Variants in SDR9C7 observed in about 807,000 individuals in gnomAD.
The protein encoded by SDR9C7 is short chain dehydrogenase/reductase family 9C member 7.
Under a neutral mutation model 23.6 loss-of-function variants are expected in SDR9C7, and 11 were observed. The ratio of observed to expected loss-of-function variants is 0.47; its 90% CI spans 0.29 to 0.77. The LOEUF is 0.77. Among genes scored for constraint, SDR9C7 ranks in the 30% least tolerant of loss-of-function variants. SDR9C7 has a pLI of 0.09. For missense variants in SDR9C7, 387 were observed against 407.1 expected, an observed-to-expected ratio of 0.95 and a Z score of 0.42; for synonymous variants, 167 against 157.3, an observed-to-expected ratio of 1.06 and a Z score of -0.46.
intron 1 of SDR9C7, among the ~76,000 whole-genome samples, chr12:56,932,314 G>T (rs978583387): frequency 3.9e-5 from 6 of 152,194 alleles, no homozygotes; most frequent in Non-Finnish European, 1.5e-5. Context: ...GTGTGAAAAA[G>T]ACTGGGCCCA....
In SDR9C7 at chr12:56,934,343, G is replaced by T; in HGVS notation, c.-82C>A. 1 of 1,254,052 alleles carries T rather than the reference G, an allele frequency of 8.0e-7. No individual in the cohort carries two copies. The highest frequency in any genetic ancestry group is 2.4e-5 in the East Asian group (1 of 42,520). The allele number at this position is 1,254,052 out of a possible 1,614,324, so 77.7% of individuals were successfully genotyped here. On this transcript the variant is annotated 5_prime_UTR_variant, in exon 1 of 4. Coordinates refer to ENST00000293502, the MANE Select transcript of SDR9C7 (RefSeq NM_148897.3). Reference sequence around the variant, plus strand: ...AAGCTGGTCCTCTGAGCCCTAGCAGGCAGTCTGCAGGAAACCACCTGGAAG... The same window carrying T: ...AAGCTGGTCCTCTGAGCCCTAGCAGTCAGTCTGCAGGAAACCACCTGGAAG...
chr12:56,925,235 AC>A (rs1190135054), intron 3 of SDR9C7, among the ~76,000 whole-genome samples: 3 of 152,106 alleles, frequency 2.0e-5, no homozygotes, highest in Non-Finnish European at 4.4e-5. Flanking sequence ...GGGACAGAGC[AC>A]CCAAATAGTA....
chr12:56,930,460 G>A lies in SDR9C7; in HGVS notation c.326C>T (p.Ala109Val), dbSNP rs1192222106. 1 of 1,614,110 alleles carries A rather than the reference G, an allele frequency of 6.2e-7. No individual in the cohort carries two copies. ...GGGACCACTGGGCAGGCCCACACCAGCATTGTTCACCAGGGCCCAGAGGCC... is the reference window on the plus strand; with the variant it reads ...GGGACCACTGGGCAGGCCCACACCAACATTGTTCACCAGGGCCCAGAGGCC... ...EQGLWALVNNAGVGLPSGPNE... is the reference protein window; with the variant it reads ...EQGLWALVNNVGVGLPSGPNE... The change falls in exon 2 of 4, where the codon GCT becomes GTT. Residue 109 changes from alanine to valine, a missense_variant. By Grantham distance (64) the Ala-to-Val change is moderately conservative. Transcript: ENST00000293502.
intron 1 of SDR9C7, among the ~76,000 whole-genome samples, chr12:56,931,159 C>T (rs1176590685): frequency 1.3e-5 from 2 of 151,922 alleles, no homozygotes; most frequent in African/African-American, 2.4e-5. Flanking sequence ...CACTTGAGCC[C>T]GGGTTACAGG....
rs1484311789 is a variant in SDR9C7 at position 56,924,068 on chromosome 12, G to A, written c.725-18C>T. 6.5e-7 allele frequency: 1 copy of A among 1,533,408 alleles called. No individual in the cohort carries two copies. Among genetic ancestry groups the A allele is most frequent in the Admixed American group, 1.7e-5 (1 of 58,476 alleles). 95.0% of individuals were successfully genotyped at this position (1,533,408 alleles called of 1,614,324 possible). ...GTCAGTATCTGTTTGAGGGCAGAGA[G>A]GGGAAAAAGGCTCTGTTATTCTTCA... On this transcript the variant is annotated intron_variant, in intron 3 of 3. Coordinates refer to ENST00000293502, the MANE Select transcript of SDR9C7 (RefSeq NM_148897.3).
At position 56,934,169 on chromosome 12, in the gene SDR9C7, T is replaced by C; in HGVS notation, c.93A>G (p.Thr31=). ...GNLSEKYVFI[T]GCDSGFGNLL... ...GGTTCCCGAAGCCAGAGTCACAGCC[T>C]GTGATGAAGACGTACTTCTCTGAGA... The change falls in exon 1 of 4, where the codon ACA becomes ACG. Residue 31 remains threonine, a synonymous_variant. Transcript: ENST00000293502. 6.2e-7 allele frequency: 1 copy of C among 1,614,208 alleles called. No individual in the cohort carries two copies.
Position 56,934,265 on chromosome 12 carries a change from G to C in SDR9C7, c.-4C>G. The stretch of plus-strand genomic sequence containing the variant: ...AGAGGTCTGTGAGGGCCGCCATAGG[G>C]CAAGGGGAATGTGATGGCCAAGAGG... On this transcript the variant is annotated 5_prime_UTR_variant, in exon 1 of 4. Coordinates refer to ENST00000293502, the MANE Select transcript of SDR9C7 (RefSeq NM_148897.3). 2 of 1,609,768 alleles carry C rather than the reference G, an allele frequency of 1.2e-6. No individual in the cohort carries two copies. Among genetic ancestry groups the C allele is most frequent in the Non-Finnish European group, 1.7e-6 (2 of 1,177,340 alleles).
Position 56,934,048 on chromosome 12 carries a change from GA to G in SDR9C7, c.213del (p.Arg72GlyfsTer22). 1 of 1,614,180 alleles carries G rather than the reference GA, an allele frequency of 6.2e-7. No individual in the cohort carries two copies. Among genetic ancestry groups the G allele is most frequent in the African/African-American group, 1.3e-5 (1 of 75,040 alleles). ...ACATCCAGTAGGGTGGTCTGCAGCC[GA>G]TAGGAGGTATCCCGCTGAAGTTTCT... is the stretch of plus-strand genomic sequence containing the variant. ...GSQKLQRDTS[Y>X]RLQTTLLDVT... On this transcript the variant is annotated frameshift_variant, in exon 1 of 4. Coordinates refer to ENST00000293502, the MANE Select transcript of SDR9C7 (RefSeq NM_148897.3). LOFTEE classifies it high-confidence loss of function.
At chr12:56,925,324 C>T (rs139797181) in intron 3 of SDR9C7, among the ~76,000 whole-genome samples, 359 of 152,298 alleles carry the variant, frequency 2.4e-3, no homozygotes, top group African/African-American at 8.4e-3. Context: ...TGCATCCTCA[C>T]CCCAGGACAG....
At chr12:56,925,013 C>A (rs1487094852) in intron 3 of SDR9C7, among the ~76,000 whole-genome samples, 1 of 151,990 alleles carries the variant, frequency 6.6e-6, no homozygotes, top group East Asian at 1.9e-4. Flanking sequence ...GGAAAACAGC[C>A]CTTTTTTTTT....
At chr12:56,926,931 T>C (rs1324312683) in intron 3 of SDR9C7, among the ~76,000 whole-genome samples, 6 of 152,260 alleles carry the variant, frequency 3.9e-5, no homozygotes, top group Admixed American at 2.6e-4. Context: ...TTTGTATGCA[T>C]GTCCATTATA....
intron 3 of SDR9C7, among the ~76,000 whole-genome samples, chr12:56,925,722 G>A (rs1196199302): frequency 6.6e-6 from 1 of 152,252 alleles, no homozygotes; most frequent in Non-Finnish European, 1.5e-5. Flanking sequence ...TGACCGTAGA[G>A]CTGGCACAGA....
intron 3 of SDR9C7, among the ~76,000 whole-genome samples, chr12:56,926,535 T>A (rs1018471347): frequency 3.9e-5 from 6 of 152,202 alleles, no homozygotes. Flanking sequence ...CCCACAGCAC[T>A]CCTGCCAGAC....
rs905185668 is a variant in SDR9C7, at chr12:56,934,327, C to T, written c.-66G>A. The T allele has an allele frequency of 4.2e-6, 6 of 1,415,386 alleles. No individual in the cohort carries two copies. In the African/African-American group the frequency reaches 7.1e-5, roughly 17 times the overall value. The allele number at this position is 1,415,386 out of a possible 1,614,324, so 87.7% of individuals were successfully genotyped here. Reference sequence around the variant, plus strand: ...GGAGACAGCAGGGAAGAAGCTGGTCCTCTGAGCCCTAGCAGGCAGTCTGCA... The same window carrying T: ...GGAGACAGCAGGGAAGAAGCTGGTCTTCTGAGCCCTAGCAGGCAGTCTGCA... On this transcript the variant is annotated 5_prime_UTR_variant, in exon 1 of 4. Coordinates refer to ENST00000293502, the MANE Select transcript of SDR9C7 (RefSeq NM_148897.3).
intron 2 of SDR9C7, 64 bp downstream of exon 2, chr12:56,930,162 C>T: frequency 6.3e-7 from 1 of 1,577,814 alleles, no homozygotes; most frequent in Non-Finnish European, 8.7e-7. Flanking sequence ...CATGCTGTCA[C>T]TCCCAACCCT....
At position 56,930,287 on chromosome 12, in the gene SDR9C7, C is replaced by G; in HGVS notation, c.499G>C (p.Val167Leu). ...GAGACGCAGTAGCCACCACCAATGA[C>G]AGCCACACGACCACCAGAGCTGGAC... ...NMSSSGGRVA[V>L]IGGGYCVSKF... Residue 167 changes from valine to leucine, a missense_variant, in exon 2 of 4, where the codon GTC becomes CTC. By Grantham distance (32) the Val-to-Leu change is conservative (BLOSUM62 1). Transcript: ENST00000293502. 1 of 1,614,196 alleles carries G rather than the reference C, an allele frequency of 6.2e-7. No individual in the cohort carries two copies. Among genetic ancestry groups the G allele is most frequent in the South Asian group, 1.1e-5 (1 of 91,084 alleles).
At chr12:56,927,336 A>T (rs1565613042) in intron 3 of SDR9C7, among the ~76,000 whole-genome samples, 1 of 152,242 alleles carries the variant, frequency 6.6e-6, no homozygotes, top group Non-Finnish European at 1.5e-5. Context: ...ACACTGGCTG[A>T]ACCCATTTCA....
Position 56,923,756 on chromosome 12 carries a change from T to C in SDR9C7, c.*77A>G. The stretch of plus-strand genomic sequence containing the variant: ...CAGCCAATGCCCCCAGGATAACCGA[T>C]ACCACCTTTTGTGACCCCACGGTCC... On this transcript the variant is annotated 3_prime_UTR_variant, in exon 4 of 4. Transcript: ENST00000293502. The C allele has an allele frequency of 8.4e-7, 1 of 1,197,586 alleles. No homozygotes were observed. Among genetic ancestry groups the C allele is most frequent in the South Asian group, 1.5e-5 (1 of 65,968 alleles). The allele number at this position is 1,197,586 out of a possible 1,614,324, so 74.2% of individuals were successfully genotyped here.
chr12:56,927,472 T>C (rs1372862632), intron 3 of SDR9C7, among the ~76,000 whole-genome samples: 1 of 152,218 alleles, frequency 6.6e-6, no homozygotes, highest in Non-Finnish European at 1.5e-5. Context: ...CAGCTGCAGA[T>C]TTCCCTCTGG....
Sources: gnomAD v4.1 joint callset for allele counts (sites outside exome capture counted in the v4.1 genomes callset) on GRCh38, gnomAD v4.1.1 for gene constraint, MANE v1.5 for transcripts, NCBI Gene and HGNC (gene_info 2026-07-23, HGNC 2026-07-21) for gene names.